TMEM181: variants seen among roughly 807,000 people sequenced by gnomAD.
TMEM181 encodes the protein transmembrane protein 181.
Under a neutral mutation model 71.9 loss-of-function variants are expected in TMEM181, and 39 were observed. The ratio of observed to expected loss-of-function variants is 0.54; its 90% CI spans 0.42 to 0.71. TMEM181 has a LOEUF of 0.71. Ranked by LOEUF, TMEM181 falls within the 30% of genes least tolerant of loss-of-function variation. TMEM181 has a pLI of 0.00. For synonymous variants in TMEM181, 245 were observed against 228.8 expected, an observed-to-expected ratio of 1.07 and a Z score of -0.64; for missense variants, 595 against 583.0, an observed-to-expected ratio of 1.02 and a Z score of -0.21.
intron 11 of TMEM181, among the ~76,000 whole-genome samples, chr6:158,623,898 C>T (rs1360849766): frequency 2.0e-5 from 3 of 151,902 alleles, no homozygotes; most frequent in South Asian, 2.1e-4. Flanking sequence ...GTAACTGGGA[C>T]GATAGGCGTG....
chr6:158,611,278 C>A, intron 10 of TMEM181: 1 of 497,600 alleles, frequency 2.0e-6, no homozygotes, highest in Non-Finnish European at 4.1e-6. Flanking sequence ...CTTGGCTGGT[C>A]CTTCACTCCT....
intron 2 of TMEM181, among the ~76,000 whole-genome samples, chr6:158,575,173 C>T (rs1248113028): frequency 6.6e-6 from 1 of 152,158 alleles, no homozygotes; most frequent in Non-Finnish European, 1.5e-5. Flanking sequence ...ACCCTGTGGC[C>T]CAGTCATGTT....
chr6:158,600,458 ATTTTTTTT>A (rs61457107), intron 6 of TMEM181, among the ~76,000 whole-genome samples: 4 of 91,870 alleles, frequency 4.4e-5, no homozygotes, highest in South Asian at 4.1e-4. Context: ...CCTAGGGTTA[ATTTTTTTT>A]TTTTTTTTTT....
At chr6:158,568,273 C>T (rs960327254) in intron 1 of TMEM181, among the ~76,000 whole-genome samples, 2 of 151,940 alleles carry the variant, frequency 1.3e-5, no homozygotes, top group South Asian at 2.1e-4. Flanking sequence ...CAGTTTGAAA[C>T]CTTTTGACCT....
intron 6 of TMEM181, among the ~76,000 whole-genome samples, chr6:158,600,068 A>G (rs1784586169): frequency 6.6e-6 from 1 of 152,238 alleles, no homozygotes; most frequent in African/African-American, 2.4e-5. Flanking sequence ...GCAGGGTCTC[A>G]TTTGAAAGCT....
chr6:158,618,930 G>A (rs997312907), intron 10 of TMEM181, among the ~76,000 whole-genome samples: 4 of 151,998 alleles, frequency 2.6e-5, no homozygotes, highest in African/African-American at 4.8e-5. Flanking sequence ...ACATTTTTTC[G>A]TTCATTTCAA....
intron 3 of TMEM181, among the ~76,000 whole-genome samples, chr6:158,581,422 G>A (rs905468397): frequency 6.6e-6 from 1 of 152,068 alleles, no homozygotes; most frequent in Admixed American, 6.6e-5. Flanking sequence ...TGTATTCCTT[G>A]TGTGAACTCA....
At chr6:158,625,379 C>CAA (rs1336507212) in intron 12 of TMEM181, among the ~76,000 whole-genome samples, 173 bp downstream of exon 12, 1 of 152,160 alleles carries the variant, frequency 6.6e-6, no homozygotes, top group Non-Finnish European at 1.5e-5. Flanking sequence ...ACAGGCCTTA[C>CAA]AGGTTACTCT....
intron 1 of TMEM181, among the ~76,000 whole-genome samples, chr6:158,565,275 T>C (rs979154273): frequency 1.3e-5 from 2 of 152,212 alleles, no homozygotes; most frequent in Admixed American, 6.5e-5. Context: ...TGGCCCTGCT[T>C]TCTGAACCCC....
intron 6 of TMEM181, among the ~76,000 whole-genome samples, chr6:158,590,604 C>T (rs907850631): frequency 2.0e-5 from 3 of 152,188 alleles, no homozygotes; most frequent in African/African-American, 7.2e-5. Context: ...GCTGGGATTA[C>T]AAGTGTGTGC....
At chr6:158,623,378 T>C (rs559091524) in intron 10 of TMEM181, among the ~76,000 whole-genome samples, 172 bp from the exon 11 acceptor site, 46 of 152,326 alleles carry the variant, frequency 3.0e-4, no homozygotes, top group Admixed American at 1.5e-3. Context: ...ATGTGAAATA[T>C]GAAATTCAGG....
chr6:158,561,405 C>T (rs1782163455), intron 1 of TMEM181, among the ~76,000 whole-genome samples: 1 of 152,224 alleles, frequency 6.6e-6, no homozygotes, highest in Non-Finnish European at 1.5e-5. Context: ...TGCACAACTC[C>T]AGAGGGCAAG....
rs539387885 is a variant in TMEM181 at position 158,541,996 on chromosome 6, C to G, written c.131+5131C>G. Among the ~76,000 whole-genome samples, 140 of 151,124 alleles carry G rather than the reference C, an allele frequency of 9.3e-4. 1 individual carries two copies. The highest frequency in any genetic ancestry group is 3.3e-3 in the African/African-American group (134 of 41,072). ...TCTCAGCTCATTGCAACCTCCACCT[C>G]CCGGGTTCAAGCGATTCTCCTGGCT... On this transcript the variant is annotated intron_variant, in intron 1 of 16. Transcript: ENST00000367090.
chr6:158,603,417 G>A (rs1273850638), intron 6 of TMEM181, among the ~76,000 whole-genome samples: 3 of 152,118 alleles, frequency 2.0e-5, no homozygotes, highest in South Asian at 2.1e-4. Context: ...TGCCCTGGCC[G>A]ACCTGAAGAG....
At chr6:158,602,690 C>G (rs1281387457) in intron 6 of TMEM181, among the ~76,000 whole-genome samples, 2 of 151,934 alleles carry the variant, frequency 1.3e-5, no homozygotes, top group Non-Finnish European at 2.9e-5. Flanking sequence ...GGCTCACTGA[C>G]CCTGGCCTCC....
intron 10 of TMEM181, chr6:158,610,780 C>T: frequency 3.2e-6 from 1 of 312,638 alleles, no homozygotes; most frequent in Non-Finnish European, 6.1e-6. Flanking sequence ...GTCATTGCTG[C>T]TGCTGCTCAC....
intron 6 of TMEM181, among the ~76,000 whole-genome samples, chr6:158,591,791 C>T (rs555571692): frequency 1.3e-5 from 2 of 152,234 alleles, no homozygotes; most frequent in African/African-American, 4.8e-5. Context: ...TGTAGTTCAT[C>T]CTGACCCTGT....
intron 10 of TMEM181, among the ~76,000 whole-genome samples, chr6:158,619,443 C>T (rs1785823397): frequency 6.6e-6 from 1 of 152,168 alleles, no homozygotes; most frequent in South Asian, 2.1e-4. Context: ...TTCGAACATC[C>T]TCCTTTAGCT....
intron 11 of TMEM181, among the ~76,000 whole-genome samples, chr6:158,624,449 G>A (rs530901861): frequency 6.6e-6 from 1 of 152,368 alleles, no homozygotes; most frequent in East Asian, 1.9e-4. Flanking sequence ...GGCGTGGGCC[G>A]GAGCCATCGA....
Sources: gnomAD v4.1 joint callset for allele counts (sites outside exome capture counted in the v4.1 genomes callset) on GRCh38, gnomAD v4.1.1 for gene constraint, MANE v1.5 for transcripts, NCBI Gene and HGNC (gene_info 2026-07-23, HGNC 2026-07-21) for gene names.